CFAP299: variants seen among roughly 807,000 people sequenced by gnomAD.
The protein encoded by CFAP299 is cilia- and flagella-associated protein 299.
Under a neutral mutation model 27.0 loss-of-function variants are expected in CFAP299, and 21 were observed. The observed-to-expected ratio is 0.78, with a 90% CI of 0.55 to 1.12. The LOEUF is 1.12. Among genes scored for constraint, CFAP299 ranks in the 50% most tolerant of loss-of-function variants. The pLI, the probability that CFAP299 is intolerant of heterozygous loss-of-function variation, is 0.00. For missense variants in CFAP299, 310 were observed against 276.6 expected (o/e 1.12, Z -0.86); for synonymous variants, 104 against 98.1 (o/e 1.06, Z -0.36).
At chr4:80,827,090 A>C (rs1321080003) in intron 3 of CFAP299, among the ~76,000 whole-genome samples, 1 of 151,872 alleles carries the variant, frequency 6.6e-6, no homozygotes, top group African/African-American at 2.4e-5. Context: ...TCAAATTAAC[A>C]ACCCAACATT....
intron 2 of CFAP299, among the ~76,000 whole-genome samples, chr4:80,582,634 T>G (rs1401288066): frequency 6.6e-6 from 1 of 151,870 alleles, no homozygotes; most frequent in Non-Finnish European, 1.5e-5. Context: ...TCAACCTAGT[T>G]TCGTTTCCTG....
chr4:80,431,489 T>TTCC (rs748286463), intron 2 of CFAP299, among the ~76,000 whole-genome samples: 13 of 151,062 alleles, frequency 8.6e-5, no homozygotes, highest in Non-Finnish European at 1.6e-4. Flanking sequence ...TTCTTTCCGT[T>TTCC]TCCTCCTCCT....
Position 80,608,186 on chromosome 4 carries a change from A to G in CFAP299, c.333+25003A>G, listed in dbSNP as rs1737776015. On this transcript the variant is annotated intron_variant, in intron 3 of 5. Coordinates refer to ENST00000358105, the MANE Select transcript of CFAP299 (RefSeq NM_152770.3). ...GCTATCTAATTTTTTTTTACCATTC[A>G]CAAGTGTTGTCGAGACTAAGTAATT... is the stretch of plus-strand genomic sequence containing the variant. The G allele has an allele frequency of 2.3e-5, 12 of 533,330 alleles. No homozygotes were observed. The East Asian group carries it at 2.8e-4, about 13-fold the overall frequency. The allele number at this position is 533,330 out of a possible 1,614,324, so 33.0% of individuals were successfully genotyped here. A position where few individuals can be genotyped will look rare whatever the true frequency, so the allele number is the denominator to read the frequency against.
chr4:80,486,959 T>A (rs1456491817), intron 2 of CFAP299, among the ~76,000 whole-genome samples: 1 of 152,194 alleles, frequency 6.6e-6, no homozygotes, highest in East Asian at 1.9e-4. Flanking sequence ...TGGCTCAAAG[T>A]GGGAGAAGAC....
At chr4:80,564,491 A>G (rs529378199) in intron 2 of CFAP299, among the ~76,000 whole-genome samples, 4 of 152,028 alleles carry the variant, frequency 2.6e-5, no homozygotes, top group Non-Finnish European at 4.4e-5. Context: ...CCTTTATGAT[A>G]AAAACTCTCA....
intron 2 of CFAP299, among the ~76,000 whole-genome samples, chr4:80,395,237 A>G (rs528939715): frequency 6.6e-6 from 1 of 152,168 alleles, no homozygotes; most frequent in Middle Eastern, 3.4e-3. Context: ...GTATACAAAC[A>G]TAATTGATTT....
chr4:80,908,137 A>C (rs1293892425), intron 4 of CFAP299, among the ~76,000 whole-genome samples: 1 of 152,134 alleles, frequency 6.6e-6, no homozygotes, highest in Non-Finnish European at 1.5e-5. Flanking sequence ...GAATTTTTCA[A>C]CTCTCATAAA....
chr4:80,601,140 A>G (rs1247849985), intron 3 of CFAP299, among the ~76,000 whole-genome samples: 1 of 152,216 alleles, frequency 6.6e-6, no homozygotes, highest in Non-Finnish European at 1.5e-5. Flanking sequence ...GCTTTTAGTT[A>G]GCAGATAATG....
chr4:80,530,060 A>G lies in CFAP299; in HGVS notation c.243-53033A>G, dbSNP rs540787340. 2.6e-5 allele frequency among the ~76,000 whole-genome samples: 4 copies of G among 152,332 alleles called. No homozygotes were observed. The South Asian group carries it at 8.3e-4, about 32-fold the overall frequency. Reference sequence around the variant, plus strand: ...TTATTTTTTTCAGACTATAATTACTAATTTTTAAAATGCATGTGAGTTAGC... The same window carrying G: ...TTATTTTTTTCAGACTATAATTACTGATTTTTAAAATGCATGTGAGTTAGC... On this transcript the variant is annotated intron_variant, in intron 2 of 5. Transcript: ENST00000358105.
intron 2 of CFAP299, among the ~76,000 whole-genome samples, chr4:80,377,967 C>G (rs775277904): frequency 2.6e-5 from 4 of 152,098 alleles, no homozygotes; most frequent in Non-Finnish European, 5.9e-5. Flanking sequence ...CTGATAAACC[C>G]AACAGATCTG....
intron 2 of CFAP299, among the ~76,000 whole-genome samples, chr4:80,418,316 T>A (rs1727117494): frequency 6.6e-6 from 1 of 152,180 alleles, no homozygotes; most frequent in Admixed American, 6.5e-5. Context: ...TATATATATA[T>A]GTTTGCTATT....
chr4:80,357,356 T>C (rs1456589296), intron 1 of CFAP299, among the ~76,000 whole-genome samples: 1 of 151,908 alleles, frequency 6.6e-6, no homozygotes, highest in African/African-American at 2.4e-5. Flanking sequence ...CCTTGTGGGA[T>C]GAGTTAGGGA....
intron 3 of CFAP299, among the ~76,000 whole-genome samples, chr4:80,725,111 ATTT>A (rs70956062): frequency 1.5e-3 from 130 of 88,530 alleles, no homozygotes; most frequent in African/African-American, 4.5e-3. Context: ...TGCCTGGCCA[ATTT>A]TTTTTTTTTT....
chr4:80,670,219 A>G (rs926116191), intron 3 of CFAP299, among the ~76,000 whole-genome samples: 1 of 150,862 alleles, frequency 6.6e-6, no homozygotes, highest in Non-Finnish European at 1.5e-5. Flanking sequence ...ATTCCCACCT[A>G]TGTATGAAAA....
At chr4:80,955,680 A>G (rs1448073841) in intron 5 of CFAP299, among the ~76,000 whole-genome samples, 3 of 152,212 alleles carry the variant, frequency 2.0e-5, no homozygotes, top group Non-Finnish European at 4.4e-5. Context: ...TTCAAGATAC[A>G]CTATTAAGTG....
At chr4:80,693,966 T>G (rs1720926052) in intron 3 of CFAP299, among the ~76,000 whole-genome samples, 1 of 152,134 alleles carries the variant, frequency 6.6e-6, no homozygotes, top group South Asian at 2.1e-4. Flanking sequence ...CCAAATGTAG[T>G]CACTGAGGAA....
intron 4 of CFAP299, among the ~76,000 whole-genome samples, chr4:80,880,083 TGAA>T (rs1733616404): frequency 7.2e-6 from 1 of 138,846 alleles, no homozygotes; most frequent in Non-Finnish European, 1.6e-5. Context: ...ACATAAAAAA[TGAA>T]GAATGGGAAA....
intron 3 of CFAP299, among the ~76,000 whole-genome samples, chr4:80,684,345 GCT>G (rs1273222134): frequency 6.6e-6 from 1 of 151,906 alleles, no homozygotes; most frequent in East Asian, 1.9e-4. Flanking sequence ...CTCACTGCAA[GCT>G]CCGCCTCCCA....
chr4:80,851,594 A>G (rs1016510851), intron 3 of CFAP299, among the ~76,000 whole-genome samples: 3 of 152,202 alleles, frequency 2.0e-5, no homozygotes, highest in African/African-American at 7.2e-5. Context: ...ACCCTGACCC[A>G]TGAACTGATC....
Sources: gnomAD v4.1 joint callset for allele counts (sites outside exome capture counted in the v4.1 genomes callset) on GRCh38, gnomAD v4.1.1 for gene constraint, MANE v1.5 for transcripts, NCBI Gene and HGNC (gene_info 2026-07-23, HGNC 2026-07-21) for gene names.